Variants in RUVBL2 observed in about 807,000 individuals in gnomAD.
RUVBL2 encodes the protein ruvB-like 2.
RUVBL2 carries 9 observed loss-of-function variants against 57.9 expected under a neutral mutation model. That is an observed-to-expected ratio of 0.16 (90% CI 0.09 to 0.27). The LOEUF is 0.27. Among genes scored for constraint, RUVBL2 ranks in the 10% least tolerant of loss-of-function variants. The pLI is 1.00. For missense variants in RUVBL2, 456 were observed against 669.6 expected (o/e 0.68, Z 3.52); for synonymous variants, 278 against 264.6 (o/e 1.05, Z -0.49).
In RUVBL2 at chr19:49,015,869, C is replaced by G. The variant is rs1445886626; in HGVS notation, c.*27C>G. ...TTGGATGTCATCCCCCGACCCCACC[C>G]TGTTTTCCACCAGAGTTCTGACACT... is the stretch of plus-strand genomic sequence containing the variant. On this transcript the variant is annotated 3_prime_UTR_variant, in exon 15 of 15. Coordinates refer to ENST00000595090, the MANE Select transcript of RUVBL2 (RefSeq NM_006666.3). 6.2e-7 allele frequency: 1 copy of G among 1,614,080 alleles called. No individual in the cohort carries two copies. Among genetic ancestry groups the G allele is most frequent in the African/African-American group, 1.3e-5 (1 of 74,942 alleles).
chr19:49,009,598 C>T (rs1009765330), intron 6 of RUVBL2, among the ~76,000 whole-genome samples, 178 bp from the exon 7 acceptor site: 13 of 152,214 alleles, frequency 8.5e-5, no homozygotes, highest in Non-Finnish European at 1.6e-4. Context: ...GAGCCATCAC[C>T]GCGTCAGGCT....
At chr19:48,997,802 T>G (rs566593221) in intron 1 of RUVBL2, among the ~76,000 whole-genome samples, 24 of 152,120 alleles carry the variant, frequency 1.6e-4, no homozygotes, top group Non-Finnish European at 3.1e-4. Context: ...CTCGTGTCCA[T>G]GTTTTGTGTG....
chr19:49,010,759 C>A (rs35881867), intron 9 of RUVBL2, 148 bp downstream of exon 9: 551,277 of 1,174,448 alleles, frequency 0.47, 133,893 homozygotes, highest in Admixed American at 0.54. Flanking sequence ...CTGTTCTCCA[C>A]CTGCAAGTCC....
At chr19:49,000,278 G>C (rs772758110) in intron 2 of RUVBL2, among the ~76,000 whole-genome samples, 1 of 152,262 alleles carries the variant, frequency 6.6e-6, no homozygotes, top group Non-Finnish European at 1.5e-5. Flanking sequence ...TGGGGCACTG[G>C]GTGCAGTGGC....
At chr19:49,008,648 G>A (rs1003924296) in intron 6 of RUVBL2, among the ~76,000 whole-genome samples, 2 of 151,950 alleles carry the variant, frequency 1.3e-5, no homozygotes, top group East Asian at 1.9e-4. Flanking sequence ...AGTTCGAAAC[G>A]AGCCTGACTA....
intron 4 of RUVBL2, among the ~76,000 whole-genome samples, chr19:49,006,714 G>T (rs963231130): frequency 5.3e-5 from 8 of 152,240 alleles, no homozygotes; most frequent in African/African-American, 1.4e-4. Context: ...AGCTCGTAGA[G>T]GCTGGGAGAC....
Position 49,014,514 on chromosome 19 carries a change from C to T in RUVBL2, c.1032C>T (p.His344=), listed in dbSNP as rs377518857. ...RIRGTSYQSP[H]GIPIDLLDRL... Reference sequence around the variant, plus strand: ...GGGGCACCAGCTACCAGAGCCCTCACGGCATCCCCATAGACCTGCTGGACC... The same window carrying T: ...GGGGCACCAGCTACCAGAGCCCTCATGGCATCCCCATAGACCTGCTGGACC... Residue 344 remains histidine, a synonymous_variant, in exon 12 of 15, where the codon CAC becomes CAT. Transcript: ENST00000595090. The T allele has an allele frequency of 1.8e-5, 29 of 1,613,980 alleles. No homozygotes were observed. The highest frequency in any genetic ancestry group is 1.6e-4 in the Middle Eastern group (1 of 6,084).
At chr19:49,003,893 T>C (rs1235195609) in intron 3 of RUVBL2, among the ~76,000 whole-genome samples, 2 of 151,768 alleles carry the variant, frequency 1.3e-5, no homozygotes, top group Admixed American at 1.3e-4. Context: ...GATGGGAAGA[T>C]TGCTTGAGCC....
chr19:49,010,079 C>T lies in RUVBL2; in HGVS notation c.663+13C>T, dbSNP rs1379238395. 1.9e-6 allele frequency: 3 copies of T among 1,605,174 alleles called. No individual in the cohort carries two copies. Among genetic ancestry groups the T allele is most frequent in the East Asian group, 4.5e-5 (2 of 44,834 alleles). ...TATGGGCTCCCAGGTGCGGCCGGGACTCCCGGGATCCCCTCGCCCCCAGCA... is the reference window on the plus strand; with the variant it reads ...TATGGGCTCCCAGGTGCGGCCGGGATTCCCGGGATCCCCTCGCCCCCAGCA... On this transcript the variant is annotated intron_variant, in intron 8 of 14. Transcript: ENST00000595090.
rs550156979 is a variant in RUVBL2 at position 49,010,000 on chromosome 19, G to A, written c.597G>A (p.Thr199=). The change falls in exon 8 of 15, where the codon ACG becomes ACA. Residue 199 remains threonine (T), a synonymous_variant. Coordinates refer to ENST00000595090, the MANE Select transcript of RUVBL2 (RefSeq NM_006666.3). Reference sequence around the variant, plus strand: ...ACGTGATCACCATCGACAAGGCGACGGGCAAGATCTCCAAGCTGGGCCGCT... The same window carrying A: ...ACGTGATCACCATCGACAAGGCGACAGGCAAGATCTCCAAGCTGGGCCGCT... The part of the protein sequence containing the change: ...AGDVITIDKA[T]GKISKLGRSF... 1.7e-5 allele frequency: 27 copies of A among 1,590,848 alleles called. No individual in the cohort carries two copies. The highest frequency in any genetic ancestry group is 9.4e-5 in the African/African-American group (7 of 74,514).
Position 49,014,451 on chromosome 19 carries a change from C to T in RUVBL2, c.1002-33C>T, listed in dbSNP as rs377549047. 21 of 1,604,890 alleles carry T rather than the reference C, an allele frequency of 1.3e-5. No individual in the cohort carries two copies. In the African/African-American group the frequency reaches 2.1e-4, roughly 16 times the overall value. ...AAAGGGAATGAAGAGGGAACATGCC[C>T]CTGACAGCCCCCTCTTTCTGCCTCT... On this transcript the variant is annotated intron_variant, in intron 11 of 14. Coordinates refer to ENST00000595090, the MANE Select transcript of RUVBL2 (RefSeq NM_006666.3).
At chr19:48,993,994 G>A in intron 1 of RUVBL2, 71 bp downstream of exon 1, 1 of 1,584,500 alleles carries the variant, frequency 6.3e-7, no homozygotes, top group Non-Finnish European at 8.6e-7. Flanking sequence ...GATGCTGGAG[G>A]CCCTGACTCC....
At chr19:48,999,242 T>C (rs1287418538) in intron 1 of RUVBL2, 77 bp from the exon 2 acceptor site, 1 of 1,494,812 alleles carries the variant, frequency 6.7e-7, no homozygotes, top group African/African-American at 1.4e-5. Context: ...AAGGACCATC[T>C]CATGGGAGGG....
At chr19:49,008,345 A>G (rs944337851) in intron 6 of RUVBL2, among the ~76,000 whole-genome samples, 3 of 149,104 alleles carry the variant, frequency 2.0e-5, no homozygotes, top group African/African-American at 7.3e-5. Context: ...GGTTCATGCC[A>G]TTCTCCTGCC....
At chr19:48,993,657 G>A (rs923014716), upstream of RUVBL2, 1 of 594,350 alleles carries the variant, frequency 1.7e-6, no homozygotes, top group Non-Finnish European at 3.0e-6. Context: ...GCCTGAGCGG[G>A]GCGGTGGTGG....
chr19:49,010,738 C>A, intron 9 of RUVBL2, 127 bp downstream of exon 9: 1 of 1,370,186 alleles, frequency 7.3e-7, no homozygotes, highest in Non-Finnish European at 9.9e-7. Context: ...AACTCCGGCC[C>A]GTGGCTGCCT....
chr19:48,997,411 G>A (rs1568631994), intron 1 of RUVBL2, among the ~76,000 whole-genome samples: 1 of 152,104 alleles, frequency 6.6e-6, no homozygotes, highest in Non-Finnish European at 1.5e-5. Context: ...ATCACCTGAG[G>A]TCAGGAGTTC....
chr19:49,005,099 A>G (rs1429435700), intron 4 of RUVBL2, among the ~76,000 whole-genome samples: 2 of 152,148 alleles, frequency 1.3e-5, no homozygotes, highest in Non-Finnish European at 2.9e-5. Context: ...TTTCACTCCC[A>G]GCTGTTCCTC....
intron 1 of RUVBL2, 32 bp downstream of exon 1, chr19:48,993,955 A>T: frequency 6.2e-7 from 1 of 1,613,134 alleles, no homozygotes; most frequent in Non-Finnish European, 8.5e-7. Flanking sequence ...GTGAGGAGCG[A>T]GCTAGCAGTC....
Sources: gnomAD v4.1 joint callset for allele counts (sites outside exome capture counted in the v4.1 genomes callset) on GRCh38, gnomAD v4.1.1 for gene constraint, MANE v1.5 for transcripts, NCBI Gene and HGNC (gene_info 2026-07-23, HGNC 2026-07-21) for gene names.